Variants in PRDM16 observed in about 807,000 individuals in gnomAD.
PRDM16 encodes the protein histone-lysine N-methyltransferase PRDM16.
Under a neutral mutation model 110.6 loss-of-function variants are expected in PRDM16, and 23 were observed. The ratio of observed to expected loss-of-function variants is 0.21; its 90% CI spans 0.15 to 0.29. The LOEUF (loss-of-function observed/expected upper bound fraction) is 0.29, where lower values mean the gene tolerates loss of function less well. PRDM16 is among the 10% of genes least tolerant of loss of function. The pLI is 1.00. For missense variants in PRDM16, 1,615 were observed against 1,794.3 expected (o/e 0.90, Z 1.81); for synonymous variants, 799 against 781.8 (o/e 1.02, Z -0.37).
In PRDM16 at chr1:3,425,779, A is replaced by C; in HGVS notation, c.3109+29A>C. 1 of 1,611,754 alleles carries C rather than the reference A, an allele frequency of 6.2e-7. No homozygotes were observed. The highest frequency in any genetic ancestry group is 8.5e-7 in the Non-Finnish European group (1 of 1,179,066). On this transcript the variant is annotated intron_variant, in intron 13 of 16. Transcript: ENST00000270722. This position sits in a 1 kb window ranked among gnomAD's most constrained non-coding sequence, Gnocchi z 6.9. ...GGCCACGCGGGGTGGGGCAGCCCCC[A>C]GAGCACCCACACGGGCAGGCCCCAC...
intron 3 of PRDM16, among the ~76,000 whole-genome samples, chr1:3,271,273 A>G (rs2100289627): frequency 6.6e-6 from 1 of 152,320 alleles, no homozygotes; most frequent in East Asian, 1.9e-4. Context: ...TCCCACAGCT[A>G]AACAGAGCCT....
Position 3,433,825 on chromosome 1 carries a change from C to T in PRDM16, c.*14C>T, listed in dbSNP as rs747277382. The T allele has an allele frequency of 5.8e-5, 93 of 1,611,222 alleles. No homozygotes were observed. Among genetic ancestry groups the T allele is most frequent in the East Asian group, 6.7e-5 (3 of 44,852 alleles). ...AACCACCTCTGACGGGCTGGGCAGC[C>T]GGGGGCCGGTGGCCAGAGCGAGGGC... On this transcript the variant is annotated 3_prime_UTR_variant, in exon 17 of 17. Transcript: ENST00000270722.
At chr1:3,409,501 A>G (rs1212122707) in intron 8 of PRDM16, among the ~76,000 whole-genome samples, 1 of 152,206 alleles carries the variant, frequency 6.6e-6, no homozygotes, top group Non-Finnish European at 1.5e-5. Flanking sequence ...GAACACGATC[A>G]TCTTAGGGGA....
chr1:3,171,548 G>A (rs534970701), intron 1 of PRDM16, among the ~76,000 whole-genome samples: 81 of 152,262 alleles, frequency 5.3e-4, no homozygotes, highest in African/African-American at 1.8e-3. Flanking sequence ...CTCTGCCCTC[G>A]GTATCCCACT....
intron 16 of PRDM16, 84 bp downstream of exon 16, chr1:3,432,224 C>T (rs1391482441): frequency 4.7e-6 from 6 of 1,286,412 alleles, no homozygotes; most frequent in African/African-American, 2.9e-5. Flanking sequence ...CGCCGTGGCC[C>T]TCCTAGGCCT....
intron 7 of PRDM16, 84 bp downstream of exon 7, chr1:3,404,970 CT>C (rs1327361900): frequency 5.4e-6 from 8 of 1,473,330 alleles, no homozygotes; most frequent in Non-Finnish European, 7.3e-6. Context: ...CCTACACCCC[CT>C]GGTCCAAATG....
At chr1:3,280,818 C>G (rs1431161529) in intron 3 of PRDM16, among the ~76,000 whole-genome samples, 1 of 152,270 alleles carries the variant, frequency 6.6e-6, no homozygotes, top group Non-Finnish European at 1.5e-5. Context: ...TCCAAGGGGT[C>G]TCTGCCCAGG....
chr1:3,073,090 C>T (rs1641807319), intron 1 of PRDM16, among the ~76,000 whole-genome samples: 1 of 151,604 alleles, frequency 6.6e-6, no homozygotes, highest in Non-Finnish European at 1.5e-5. Flanking sequence ...AGCCCGACAT[C>T]CTGGCCCCTC....
chr1:3,159,959 T>G (rs999715187), intron 1 of PRDM16, among the ~76,000 whole-genome samples: 1 of 152,224 alleles, frequency 6.6e-6, no homozygotes, highest in African/African-American at 2.4e-5. Flanking sequence ...TCACGGGACA[T>G]ACTTACACTA....
rs1429147421 is a variant in PRDM16, at chr1:3,181,836, AGTCTTACACACG to A, written c.38-4276_38-4265del. On this transcript the variant is annotated intron_variant, in intron 1 of 16. Coordinates refer to ENST00000270722, the MANE Select transcript of PRDM16 (RefSeq NM_022114.4). Reference sequence around the variant, plus strand: ...CTTACACATGCGGTCTTACACATTCAGTCTTACACACGGTCTTACACACGCAGTCTTACACAC... The same window carrying A: ...CTTACACATGCGGTCTTACACATTCAGTCTTACACACGCAGTCTTACACAC... 1.1e-3 allele frequency among the ~76,000 whole-genome samples: 99 copies of A among 89,632 alleles called. 1 individual carries two copies. The highest frequency in any genetic ancestry group is 2.7e-3 in the South Asian group (7 of 2,564). 58.8% of individuals were successfully genotyped at this position (89,632 alleles called of 152,430 possible). A position where few individuals can be genotyped will look rare whatever the true frequency, so the allele number is the denominator to read the frequency against.
intron 1 of PRDM16, among the ~76,000 whole-genome samples, chr1:3,180,590 C>T (rs1201867099): frequency 6.6e-6 from 1 of 152,170 alleles, no homozygotes; most frequent in East Asian, 1.9e-4. Flanking sequence ...CAGGAGGCCC[C>T]CAGGGAACCC....
intron 4 of PRDM16, among the ~76,000 whole-genome samples, chr1:3,391,055 C>T (rs1643292141): frequency 6.6e-6 from 1 of 152,142 alleles, no homozygotes; most frequent in Non-Finnish European, 1.5e-5. Flanking sequence ...AGGCTGGTTT[C>T]AAGCTCCTGA....
intron 1 of PRDM16, among the ~76,000 whole-genome samples, chr1:3,185,920 C>T (rs574467271): frequency 2.6e-4 from 40 of 152,248 alleles, no homozygotes; most frequent in Non-Finnish European, 4.6e-4. Context: ...GGATCCCATC[C>T]TCTGGAGCCT....
intron 5 of PRDM16, among the ~76,000 whole-genome samples, chr1:3,401,538 A>C: frequency 6.9e-6 from 1 of 145,264 alleles, no homozygotes; most frequent in East Asian, 1.9e-4. Context: ...ACACATTCAT[A>C]TACAAGCATG....
intron 1 of PRDM16, among the ~76,000 whole-genome samples, chr1:3,120,802 G>A (rs1643077877): frequency 6.6e-6 from 1 of 152,198 alleles, no homozygotes; most frequent in African/African-American, 2.4e-5. Context: ...CCGAGCCCTG[G>A]CCAAGAGTGC....
chr1:3,253,774 G>A (rs1639992234), intron 3 of PRDM16, among the ~76,000 whole-genome samples: 1 of 152,118 alleles, frequency 6.6e-6, no homozygotes, highest in African/African-American at 2.4e-5. Flanking sequence ...GATCCCTGAG[G>A]AATTGCCACA....
intron 3 of PRDM16, among the ~76,000 whole-genome samples, chr1:3,326,731 A>G (rs1195863067): frequency 6.6e-6 from 1 of 152,232 alleles, no homozygotes; most frequent in Non-Finnish European, 1.5e-5. Context: ...AGTGGCTTTC[A>G]GGCCTCTGGC....
At chr1:3,183,899 A>G (rs1487567475) in intron 1 of PRDM16, among the ~76,000 whole-genome samples, 1 of 152,182 alleles carries the variant, frequency 6.6e-6, no homozygotes, top group Non-Finnish European at 1.5e-5. Context: ...GAGAGGAGTT[A>G]AGGAGCGCGT....
At position 3,243,942 on chromosome 1, in the gene PRDM16, C is replaced by G; in HGVS notation, c.388-145C>G. The G allele has an allele frequency of 5.4e-6, 4 of 747,592 alleles. No individual in the cohort carries two copies. Among genetic ancestry groups the G allele is most frequent in the Non-Finnish European group, 9.4e-6 (4 of 426,398 alleles). 46.3% of individuals were successfully genotyped at this position (747,592 alleles called of 1,614,324 possible). A position where few individuals can be genotyped will look rare whatever the true frequency, so the allele number is the denominator to read the frequency against. ...GAAGGGATACCTGTGATCAATGGAACCCTTCATTTCCTGCTGTGGAGAAGC... is the reference window on the plus strand; with the variant it reads ...GAAGGGATACCTGTGATCAATGGAAGCCTTCATTTCCTGCTGTGGAGAAGC... On this transcript the variant is annotated intron_variant, in intron 2 of 16. Transcript: ENST00000270722. This position sits in a 1 kb window ranked among gnomAD's most constrained non-coding sequence, Gnocchi z 5.5.
Sources: gnomAD v4.1 joint callset for allele counts (sites outside exome capture counted in the v4.1 genomes callset) on GRCh38, gnomAD v4.1.1 for gene constraint, Gnocchi (gnomAD v3.1) non-coding constraint, MANE v1.5 for transcripts, NCBI Gene and HGNC (gene_info 2026-07-23, HGNC 2026-07-21) for gene names.